EXOC6B: variants seen among roughly 807,000 people sequenced by gnomAD.
EXOC6B encodes SEC15 homolog B.
A neutral mutation model predicts 113.5 loss-of-function variants in EXOC6B; 54 were observed. That is an observed-to-expected ratio of 0.48 (90% CI 0.38 to 0.60). EXOC6B has a LOEUF of 0.60. EXOC6B is among the 20% of genes least tolerant of loss of function. The pLI is 0.00. For synonymous variants in EXOC6B, 357 were observed against 339.0 expected (o/e 1.05, Z -0.58); for missense variants, 797 against 977.5 (o/e 0.82, Z 2.46).
chr2:72,607,428 TACAG>T (rs915153919), intron 6 of EXOC6B, among the ~76,000 whole-genome samples: 39 of 152,328 alleles, frequency 2.6e-4, no homozygotes, highest in African/African-American at 9.1e-4. Context: ...TTATACATTA[TACAG>T]TCTGTGGTAT....
At chr2:72,235,195 C>A (rs1306859940) in intron 20 of EXOC6B, among the ~76,000 whole-genome samples, 1 of 152,176 alleles carries the variant, frequency 6.6e-6, no homozygotes, top group Non-Finnish European at 1.5e-5. Context: ...GGTACATATA[C>A]ACCATGGAAT....
intron 20 of EXOC6B, among the ~76,000 whole-genome samples, chr2:72,277,607 T>G (rs1162044202): frequency 2.0e-5 from 3 of 152,048 alleles, no homozygotes; most frequent in Non-Finnish European, 4.4e-5. Flanking sequence ...TTCTTGTGCC[T>G]CAGCTTCCTG....
At chr2:72,721,474 C>T (rs1680008501) in intron 5 of EXOC6B, among the ~76,000 whole-genome samples, 1 of 114,236 alleles carries the variant, frequency 8.8e-6, no homozygotes, top group Admixed American at 9.1e-5. Flanking sequence ...TGAAAAAATG[C>T]AAATCAAATT....
chr2:72,542,619 A>G (rs753903198), intron 8 of EXOC6B, among the ~76,000 whole-genome samples: 1 of 152,202 alleles, frequency 6.6e-6, no homozygotes. Flanking sequence ...AGCTCCAGCT[A>G]TGGTATTTGT....
intron 19 of EXOC6B, among the ~76,000 whole-genome samples, chr2:72,370,325 C>A (rs1690919520): frequency 1.3e-5 from 2 of 152,152 alleles, no homozygotes; most frequent in South Asian, 4.1e-4. Flanking sequence ...CCATCTCACA[C>A]CAGTTAGAAT....
intron 11 of EXOC6B, among the ~76,000 whole-genome samples, chr2:72,500,484 A>G (rs923800814): frequency 6.6e-6 from 1 of 152,154 alleles, no homozygotes; most frequent in African/African-American, 2.4e-5. Flanking sequence ...AACCTAATGA[A>G]ATTAAAAAAG....
chr2:72,404,320 G>A (rs1015424774), intron 18 of EXOC6B, among the ~76,000 whole-genome samples: 2 of 152,218 alleles, frequency 1.3e-5, no homozygotes, highest in Non-Finnish European at 2.9e-5. Context: ...AGAAATCTCT[G>A]CAGACTTAAA....
chr2:72,327,745 A>C (rs1688208970), intron 20 of EXOC6B, among the ~76,000 whole-genome samples: 1 of 152,108 alleles, frequency 6.6e-6, no homozygotes, highest in Non-Finnish European at 1.5e-5. Flanking sequence ...GCTGGTATGA[A>C]GTGAGATGAA....
intron 6 of EXOC6B, among the ~76,000 whole-genome samples, chr2:72,584,435 G>A (rs370903856): frequency 1.2e-4 from 18 of 152,278 alleles, no homozygotes; most frequent in African/African-American, 3.1e-4. Flanking sequence ...ATATAATGAC[G>A]AAAAGTTCAA....
At chr2:72,428,087 G>A (rs1695310066) in intron 18 of EXOC6B, among the ~76,000 whole-genome samples, 1 of 152,134 alleles carries the variant, frequency 6.6e-6, no homozygotes, top group Non-Finnish European at 1.5e-5. Context: ...GATCTCCTCT[G>A]AGCTGTTCTA....
chr2:72,592,398 C>T (rs181697745), intron 6 of EXOC6B, among the ~76,000 whole-genome samples: 22 of 152,202 alleles, frequency 1.4e-4, no homozygotes, highest in African/African-American at 4.6e-4. Context: ...TGGGTTGGAG[C>T]CCTGAAAACT....
intron 6 of EXOC6B, among the ~76,000 whole-genome samples, chr2:72,664,248 C>T (rs1319435332): frequency 1.3e-5 from 2 of 151,786 alleles, no homozygotes; most frequent in Non-Finnish European, 2.9e-5. Flanking sequence ...ATTGAGTAAA[C>T]CAGCATACTT....
Position 72,386,212 on chromosome 2 carries a change from C to CA in EXOC6B, c.1981-6343dup, listed in dbSNP as rs199615544. Among the ~76,000 whole-genome samples, 123 of 138,582 alleles carry CA rather than the reference C, an allele frequency of 8.9e-4. 2 individuals are homozygous for CA. The highest frequency in any genetic ancestry group is 1.2e-3 in the African/African-American group (47 of 37,658). 90.9% of individuals were successfully genotyped at this position (138,582 alleles called of 152,430 possible). Reference sequence around the variant, plus strand: ...TACCACATATGCTCATAGGCATGAGCAAAAAAAAAAATGATGTAAAACAGG... The same window carrying CA: ...TACCACATATGCTCATAGGCATGAGCAAAAAAAAAAAATGATGTAAAACAGG... On this transcript the variant is annotated intron_variant, in intron 18 of 21. Transcript: ENST00000272427.
intron 18 of EXOC6B, chr2:72,462,878 A>C (rs1425236674): frequency 1.3e-5 from 2 of 152,094 alleles, no homozygotes; most frequent in African/African-American, 4.8e-5. Context: ...AATGAAAATA[A>C]ATGTTTTATT....
At chr2:72,464,910 C>G in intron 18 of EXOC6B, 1 of 507,344 alleles carries the variant, frequency 2.0e-6, no homozygotes, top group Non-Finnish European at 3.4e-6. Context: ...TACTAATTAC[C>G]TTGAACATCA....
rs908019137 is a variant in EXOC6B at position 72,772,903 on chromosome 2, C to T, written c.114-31434G>A. Among the ~76,000 whole-genome samples, 6 of 151,982 alleles carry T rather than the reference C, an allele frequency of 3.9e-5. No homozygotes were observed. The East Asian group carries it at 7.7e-4, about 20-fold the overall frequency. On this transcript the variant is annotated intron_variant, in intron 1 of 21. Transcript: ENST00000272427. ...ACAGGAAAACCATAATCCCCCCACC[C>T]AAGGAACAAAATAAAGCTCCAGTAG...
At chr2:72,300,146 A>T (rs1335608465) in intron 20 of EXOC6B, among the ~76,000 whole-genome samples, 2 of 152,168 alleles carry the variant, frequency 1.3e-5, no homozygotes, top group African/African-American at 4.8e-5. Flanking sequence ...CCAGGTGCTC[A>T]GTCCCAGGGA....
chr2:72,339,553 A>T (rs1688905253), intron 19 of EXOC6B, among the ~76,000 whole-genome samples: 1 of 152,088 alleles, frequency 6.6e-6, no homozygotes, highest in Non-Finnish European at 1.5e-5. Context: ...CTTGTTCAGG[A>T]TAGGAGAGCC....
chr2:72,467,894 C>G (rs1195491567), intron 17 of EXOC6B, among the ~76,000 whole-genome samples: 3 of 152,096 alleles, frequency 2.0e-5, no homozygotes, highest in African/African-American at 7.2e-5. Flanking sequence ...CCTCACCCTC[C>G]CGAGTAGCTG....
Sources: gnomAD v4.1 joint callset for allele counts (sites outside exome capture counted in the v4.1 genomes callset) on GRCh38, gnomAD v4.1.1 for gene constraint, MANE v1.5 for transcripts, NCBI Gene and HGNC (gene_info 2026-07-23, HGNC 2026-07-21) for gene names.